The following ST3GAL3 variants were observed in gnomAD, a reference collection of about 807,000 sequenced individuals.
ST3GAL3 encodes CMP-N-acetylneuraminate-beta-1,4-galactoside alpha-2,3-sialyltransferase.
ST3GAL3 carries 21 observed loss-of-function variants against 50.1 expected under a neutral mutation model. The observed-to-expected ratio is 0.42, with a 90% confidence interval of 0.30 to 0.60. ST3GAL3 has a LOEUF of 0.60. ST3GAL3 is among the 20% of genes least tolerant of loss of function. The pLI is 0.19. For synonymous variants in ST3GAL3, 183 were observed against 190.0 expected, an observed-to-expected ratio of 0.96 and a Z score of 0.30; for missense variants, 353 against 489.4, an observed-to-expected ratio of 0.72 and a Z score of 2.63.
intron 5 of ST3GAL3, among the ~76,000 whole-genome samples, chr1:43,887,427 G>A (rs2076140338): frequency 6.6e-6 from 1 of 152,214 alleles, no homozygotes; most frequent in African/African-American, 2.4e-5. Flanking sequence ...TAGAAATCAA[G>A]TGGGTTTGGA....
chr1:43,838,436 ACTCT>A, intron 5 of ST3GAL3, 125 bp downstream of exon 5: 7 of 923,930 alleles, frequency 7.6e-6, no homozygotes, highest in Non-Finnish European at 1.2e-5. Context: ...CCTGGAAAGG[ACTCT>A]GCCTTTAAGT....
At chr1:43,829,485 T>C (rs928527533) in intron 4 of ST3GAL3, among the ~76,000 whole-genome samples, 3 of 152,178 alleles carry the variant, frequency 2.0e-5, no homozygotes, top group Admixed American at 1.3e-4. Context: ...CTAGTGCATG[T>C]CATTCATCTG....
At chr1:43,766,793 T>C (rs1693214492) in intron 2 of ST3GAL3, among the ~76,000 whole-genome samples, 1 of 152,214 alleles carries the variant, frequency 6.6e-6, no homozygotes, top group Non-Finnish European at 1.5e-5. Context: ...AGAGGTCTCT[T>C]CTGGAATTTC....
chr1:43,783,090 T>A (rs568662088), intron 2 of ST3GAL3, among the ~76,000 whole-genome samples: 1 of 152,234 alleles, frequency 6.6e-6, no homozygotes, highest in East Asian at 1.9e-4. Context: ...TGTGTTACTC[T>A]TTTTACAGAT....
chr1:43,812,010 T>C (rs1359037211), intron 3 of ST3GAL3, among the ~76,000 whole-genome samples: 2 of 152,248 alleles, frequency 1.3e-5, no homozygotes, highest in East Asian at 3.8e-4. Context: ...TATCACCTTA[T>C]AGACCCGGCT....
intron 1 of ST3GAL3, among the ~76,000 whole-genome samples, chr1:43,710,746 T>G (rs1278200597): frequency 6.6e-6 from 1 of 152,258 alleles, no homozygotes; most frequent in Non-Finnish European, 1.5e-5. Context: ...TGTTCTTACG[T>G]ATGTTTCAGG....
chr1:43,808,603 C>T (rs1272054489), intron 3 of ST3GAL3, among the ~76,000 whole-genome samples: 2 of 152,198 alleles, frequency 1.3e-5, no homozygotes, highest in African/African-American at 4.8e-5. Flanking sequence ...GGAGAGTTTG[C>T]AGTCCATGTC....
At chr1:43,890,192 G>A (rs1434414233) in intron 5 of ST3GAL3, among the ~76,000 whole-genome samples, 2 of 152,198 alleles carry the variant, frequency 1.3e-5, no homozygotes, top group East Asian at 1.9e-4. Context: ...TATGTTTTAA[G>A]GTGTCCTTAT....
rs544621013 is a variant in ST3GAL3 at position 43,792,198 on chromosome 1, A to G, written c.166+49A>G. On this transcript the variant is annotated intron_variant, in intron 3 of 11. Transcript: ENST00000347631. ...ATCTTTTTGGCCTTCAATATTAGCCATATTTTTTGTGAAGCCTAATCAAGT... is the reference window on the plus strand; with the variant it reads ...ATCTTTTTGGCCTTCAATATTAGCCGTATTTTTTGTGAAGCCTAATCAAGT... 2.5e-5 allele frequency: 40 copies of G among 1,611,504 alleles called. No homozygotes were observed. In the South Asian group the frequency reaches 3.4e-4, roughly 14 times the overall value.
At chr1:43,730,865 A>G (rs1350442965) in intron 1 of ST3GAL3, among the ~76,000 whole-genome samples, 2 of 151,918 alleles carry the variant, frequency 1.3e-5, no homozygotes, top group East Asian at 1.9e-4. Context: ...TCTGATTTCT[A>G]TTTCACTTAA....
At chr1:43,787,765 G>C (rs757926171) in intron 2 of ST3GAL3, among the ~76,000 whole-genome samples, 3 of 152,184 alleles carry the variant, frequency 2.0e-5, no homozygotes, top group Non-Finnish European at 4.4e-5. Flanking sequence ...GAAGGCGAAG[G>C]CTATCTCTAA....
intron 6 of ST3GAL3, among the ~76,000 whole-genome samples, chr1:43,894,975 A>G (rs754916509): frequency 2.0e-5 from 3 of 152,180 alleles, no homozygotes; most frequent in South Asian, 2.1e-4. Context: ...GGGGTTAAGT[A>G]TACAACAGTG....
chr1:43,920,502 C>T lies in ST3GAL3; in HGVS notation c.843C>T (p.Ala281=), dbSNP rs757731690. ...ACCCATATTTCATCCAGGAGGCCGCCTTCACCCTCATTGGCCTGCCCTTCA... is the reference window on the plus strand; with the variant it reads ...ACCCATATTTCATCCAGGAGGCCGCTTTCACCCTCATTGGCCTGCCCTTCA... ...ILNPYFIQEA[A]FTLIGLPFNN... is the part of the protein sequence containing the mutation. Residue 281 remains alanine, a synonymous_variant, in exon 10 of 12, where the codon GCC becomes GCT. Coordinates refer to ENST00000347631, the MANE Select transcript of ST3GAL3 (RefSeq NM_006279.5). The T allele has an allele frequency of 6.2e-7, 1 of 1,614,200 alleles. No individual in the cohort carries two copies. The highest frequency in any genetic ancestry group is 8.5e-7 in the Non-Finnish European group (1 of 1,180,026).
At chr1:43,742,486 A>G (rs1307653123) in intron 2 of ST3GAL3, among the ~76,000 whole-genome samples, 1 of 152,194 alleles carries the variant, frequency 6.6e-6, no homozygotes, top group Non-Finnish European at 1.5e-5. Context: ...CTAAAATACA[A>G]ATTGACACTC....
chr1:43,772,390 C>A, intron 2 of ST3GAL3: 1 of 183,820 alleles, frequency 5.4e-6, no homozygotes, highest in Non-Finnish European at 1.1e-5. Flanking sequence ...TGCTTTTTGT[C>A]ATGATGGACA....
At chr1:43,841,816 C>T (rs2065422722) in intron 5 of ST3GAL3, 1 of 152,204 alleles carries the variant, frequency 6.6e-6, no homozygotes, top group Non-Finnish European at 1.5e-5. Flanking sequence ...CTTTCTTTGC[C>T]ATGTGGCTTG....
Position 43,850,591 on chromosome 1 carries a change from T to C in ST3GAL3, c.302+12280T>C, listed in dbSNP as rs994075158. The C allele has an allele frequency of 8.0e-6, 6 of 754,504 alleles. No individual in the cohort carries two copies. The African/African-American group carries it at 8.6e-5, about 11-fold the overall frequency. 46.7% of individuals were successfully genotyped at this position (754,504 alleles called of 1,614,324 possible). On this transcript the variant is annotated intron_variant, in intron 5 of 11. Transcript: ENST00000347631. Reference sequence around the variant, plus strand: ...TTTCTATCATCTGGGCAGGTGTTCTTGTTGCAGGCAATAGAACAGGCTTCT... The same window carrying C: ...TTTCTATCATCTGGGCAGGTGTTCTCGTTGCAGGCAATAGAACAGGCTTCT...
In ST3GAL3 at chr1:43,751,684, A is replaced by G. The variant is rs569994647; in HGVS notation, c.118+15304A>G. On this transcript the variant is annotated intron_variant, in intron 2 of 11. Coordinates refer to ENST00000347631, the MANE Select transcript of ST3GAL3 (RefSeq NM_006279.5). ...AGGAAGCTCAAAATCAACAGCAGTA[A>G]ACATTAATTGGCAGTTAGAGTATTC... is the stretch of plus-strand genomic sequence containing the variant. 4.6e-5 allele frequency among the ~76,000 whole-genome samples: 7 copies of G among 152,364 alleles called. No individual in the cohort carries two copies. In the East Asian group the frequency reaches 1.2e-3, roughly 25 times the overall value.
At chr1:43,710,554 A>G (rs1412231673) in intron 1 of ST3GAL3, among the ~76,000 whole-genome samples, 22 of 152,094 alleles carry the variant, frequency 1.4e-4, no homozygotes, top group Admixed American at 1.2e-3. Context: ...ATGGCTCCCC[A>G]TTATCTGTTG....
Sources: gnomAD v4.1 joint callset for allele counts (sites outside exome capture counted in the v4.1 genomes callset) on GRCh38, gnomAD v4.1.1 for gene constraint, MANE v1.5 for transcripts, NCBI Gene and HGNC (gene_info 2026-07-23, HGNC 2026-07-21) for gene names.